OR11A1: variants seen among roughly 807,000 people sequenced by gnomAD.
OR11A1 encodes olfactory receptor 11A1.
For missense variants in OR11A1, 380 were observed against 378.2 expected, an observed-to-expected ratio of 1.00 and a Z score of -0.04; for synonymous variants, 158 against 152.2, an observed-to-expected ratio of 1.04 and a Z score of -0.28.
chr6:29,439,600 A>G (rs1248427406), intron 1 of OR11A1: 2 of 177,042 alleles, frequency 1.1e-5, no homozygotes, highest in Admixed American at 1.2e-4. Flanking sequence ...AGACAAGTTG[A>G]TGGAGAAAAA....
chr6:29,427,444 C>A lies in OR11A1; in HGVS notation c.198G>T (p.Ala66=), dbSNP rs755635499. The change falls in exon 5 of 5, where the codon GCG becomes GCT. Residue 66 remains alanine, a synonymous_variant. Coordinates refer to ENST00000377149, the MANE Select transcript of OR11A1 (RefSeq NM_001394828.1). ...RLHKPMYIFL[A]NLSFLDILYT... is the part of the protein sequence containing the mutation. The stretch of plus-strand genomic sequence containing the variant: ...AGAGAATATCCAGGAAGGACAGATT[C>A]GCCAAGAAAATATACATGGGTTTGT... 3.1e-6 allele frequency: 5 copies of A among 1,612,926 alleles called. No individual in the cohort carries two copies. Among genetic ancestry groups the A allele is most frequent in the South Asian group, 2.2e-5 (2 of 91,078 alleles).
In OR11A1 at chr6:29,453,670, G is replaced by A. The variant is rs116102526; in HGVS notation, c.-389+3317C>T. 8.3e-3 allele frequency among the ~76,000 whole-genome samples: 1,266 copies of A among 152,280 alleles called. 19 individuals are homozygous for A. The highest frequency in any genetic ancestry group is 0.027 in the African/African-American group (1,138 of 41,564). ...CAGTGAACCTATCAGAAATGTAATG[G>A]GAAGATGCTGGGAATTAGATAGCTA... is the stretch of plus-strand genomic sequence containing the variant. On this transcript the variant is annotated intron_variant, in intron 1 of 4. Transcript: ENST00000377149. The surrounding 1 kb of genome is among the most constrained non-coding windows in gnomAD (Gnocchi z 4.5).
At chr6:29,454,044 A>G (rs1022668207) in intron 1 of OR11A1, among the ~76,000 whole-genome samples, 7 of 152,180 alleles carry the variant, frequency 4.6e-5, no homozygotes, top group African/African-American at 1.2e-4. Context: ...TCCACAGATT[A>G]TGTCCAATAA....
chr6:29,426,559 T>A lies in OR11A1; in HGVS notation c.*135A>T. 1 of 655,360 alleles carries A rather than the reference T, an allele frequency of 1.5e-6. No homozygotes were observed. Among genetic ancestry groups the A allele is most frequent in the Non-Finnish European group, 2.5e-6 (1 of 397,068 alleles). The allele number at this position is 655,360 out of a possible 1,614,324, so 40.6% of individuals were successfully genotyped here. On this transcript the variant is annotated 3_prime_UTR_variant, in exon 5 of 5. Transcript: ENST00000377149. ...GTTAAAAAATTGTTGCCCTATCATT[T>A]TCATTTTTAGTATAACTGCAGAAGA...
chr6:29,432,053 C>G (rs1783265064), intron 1 of OR11A1, 66 bp from the exon 2 acceptor site: 1 of 948,212 alleles, frequency 1.1e-6, no homozygotes, highest in Non-Finnish European at 1.3e-6. Context: ...GAGCCATTTT[C>G]TCTTCCACCC....
chr6:29,453,652 C>A lies in OR11A1; in HGVS notation c.-389+3335G>T, dbSNP rs1246899697. Reference sequence around the variant, plus strand: ...CAGTTTTAATGAGGCGAACAGTGAACCTATCAGAAATGTAATGGGAAGATG... The same window carrying A: ...CAGTTTTAATGAGGCGAACAGTGAAACTATCAGAAATGTAATGGGAAGATG... On this transcript the variant is annotated intron_variant, in intron 1 of 4. Transcript: ENST00000377149. The surrounding 1 kb of genome is among the most constrained non-coding windows in gnomAD (Gnocchi z 4.5). Among the ~76,000 whole-genome samples the A allele has an allele frequency of 6.6e-6, 1 of 152,068 alleles. No individual in the cohort carries two copies. Among genetic ancestry groups the A allele is most frequent in the Non-Finnish European group, 1.5e-5 (1 of 67,988 alleles).
chr6:29,445,555 C>T (rs1240219717), intron 1 of OR11A1, among the ~76,000 whole-genome samples: 1 of 152,202 alleles, frequency 6.6e-6, no homozygotes, highest in Non-Finnish European at 1.5e-5. Flanking sequence ...ACCTCCCAAC[C>T]AGAGCTCACT....
chr6:29,454,905 G>A (rs911023385), intron 1 of OR11A1, among the ~76,000 whole-genome samples: 3 of 151,484 alleles, frequency 2.0e-5, no homozygotes, highest in Non-Finnish European at 2.9e-5. Flanking sequence ...TTTTTTTATC[G>A]CTTCTCGGCC....
In OR11A1 at chr6:29,426,747, G is replaced by T. The variant is rs1427495124; in HGVS notation, c.895C>A (p.His299Asn). 1.2e-6 allele frequency: 2 copies of T among 1,612,908 alleles called. No individual in the cohort carries two copies. The highest frequency in any genetic ancestry group is 2.7e-5 in the African/African-American group (2 of 75,018). Residue 299 changes from histidine (H) to asparagine (N), a missense_variant, in exon 5 of 5, where the codon CAT becomes AAT. His to Asn is a moderately conservative substitution (Grantham distance 68). Coordinates refer to ENST00000377149, the MANE Select transcript of OR11A1 (RefSeq NM_001394828.1). ...VIYTMRNKEV[H>N]QALRKILCIK... ...CAGAGAATCTTCCGAAGTGCCTGATGCACCTCCTTGTTCCTCATGGTATAG... is the reference window on the plus strand; with the variant it reads ...CAGAGAATCTTCCGAAGTGCCTGATTCACCTCCTTGTTCCTCATGGTATAG...
Position 29,427,142 on chromosome 6 carries a change from A to G in OR11A1, c.500T>C (p.Leu167Pro). The change falls in exon 5 of 5, where the codon CTG becomes CCG. Residue 167 changes from leucine to proline, a missense_variant. Leu to Pro is a moderately conservative substitution (Grantham distance 98). Transcript: ENST00000377149. Reference protein sequence around the residue: ...DGLVVALVAQLRFCGPNHIDQ... With the variant: ...DGLVVALVAQPRFCGPNHIDQ... ...AATGTGGTTGGGGCCACAGAACCTC[A>G]GCTGGGCCACCAGGGCCACAACCAG... The G allele has an allele frequency of 1.2e-6, 2 of 1,613,112 alleles. No individual in the cohort carries two copies. The highest frequency in any genetic ancestry group is 1.7e-6 in the Non-Finnish European group (2 of 1,180,038).
At chr6:29,440,396 A>C (rs1561794137) in intron 1 of OR11A1, 2 of 1,613,376 alleles carry the variant, frequency 1.2e-6, no homozygotes, top group East Asian at 2.2e-5. Context: ...CCATCTGTGA[A>C]CCCCTCCGCT....
In OR11A1 at chr6:29,426,897, C is replaced by T. The variant is rs758494934; in HGVS notation, c.745G>A (p.Val249Met). The change falls in exon 5 of 5, where the codon GTG becomes ATG. Residue 249 changes from valine to methionine, a missense_variant. Coordinates refer to ENST00000377149, the MANE Select transcript of OR11A1 (RefSeq NM_001394828.1). Reference sequence around the variant, plus strand: ...ATGAGCGTTCCATAGAATGTGGTCACTACAGCTAGGTGGGAGGAGCATGTG... The same window carrying T: ...ATGAGCGTTCCATAGAATGTGGTCATTACAGCTAGGTGGGAGGAGCATGTG... ...FSTCSSHLAVVTTFYGTLMIF... is the reference protein window; with the variant it reads ...FSTCSSHLAVMTTFYGTLMIF... 6.2e-7 allele frequency: 1 copy of T among 1,613,016 alleles called. No homozygotes were observed. Among genetic ancestry groups the T allele is most frequent in the South Asian group, 1.1e-5 (1 of 91,070 alleles).
Position 29,453,607 on chromosome 6 carries a change from G to T in OR11A1, c.-389+3380C>A, listed in dbSNP as rs1345752178. Reference sequence around the variant, plus strand: ...AGTAACAAACTCAATCGTGTTTAAGGCTCAGGTATCCAGAGGTTACAGTTT... The same window carrying T: ...AGTAACAAACTCAATCGTGTTTAAGTCTCAGGTATCCAGAGGTTACAGTTT... On this transcript the variant is annotated intron_variant, in intron 1 of 4. Transcript: ENST00000377149. This position sits in a 1 kb window ranked among gnomAD's most constrained non-coding sequence, Gnocchi z 4.5. Among the ~76,000 whole-genome samples the T allele has an allele frequency of 6.6e-6, 1 of 152,158 alleles. No homozygotes were observed. The highest frequency in any genetic ancestry group is 1.9e-4 in the East Asian group (1 of 5,200).
intron 1 of OR11A1, among the ~76,000 whole-genome samples, chr6:29,441,882 AGTTCCATCCAT>A (rs1484312511): frequency 6.6e-6 from 1 of 152,168 alleles, no homozygotes; most frequent in African/African-American, 2.4e-5. Context: ...AATGACCTCC[AGTTCCATCCAT>A]GTTGCTGCAA....
At chr6:29,455,625 A>G (rs999952058) in intron 1 of OR11A1, among the ~76,000 whole-genome samples, 2 of 152,118 alleles carry the variant, frequency 1.3e-5, no homozygotes, top group Non-Finnish European at 2.9e-5. Context: ...GTATATCAAA[A>G]CATCATTTGG....
intron 1 of OR11A1, among the ~76,000 whole-genome samples, chr6:29,447,575 T>G (rs1370307984): frequency 6.6e-6 from 1 of 152,236 alleles, no homozygotes; most frequent in Non-Finnish European, 1.5e-5. Flanking sequence ...GGAAATGAAC[T>G]GAAGGAGGAC....
Position 29,426,606 on chromosome 6 carries a change from A to T in OR11A1, c.*88T>A, listed in dbSNP as rs1169779294. The T allele has an allele frequency of 2.1e-6, 2 of 960,888 alleles. No individual in the cohort carries two copies. Among genetic ancestry groups the T allele is most frequent in the Non-Finnish European group, 3.1e-6 (2 of 650,232 alleles). The allele number at this position is 960,888 out of a possible 1,614,324, so 59.5% of individuals were successfully genotyped here. ...AAGAGTTCAAAGAGAATGGTCGAAT[A>T]AGACAAAGTTACTCCTCTCCAACCC... On this transcript the variant is annotated 3_prime_UTR_variant, in exon 5 of 5. Transcript: ENST00000377149.
At chr6:29,433,712 G>A (rs965450719) in intron 1 of OR11A1, among the ~76,000 whole-genome samples, 24 of 151,674 alleles carry the variant, frequency 1.6e-4, no homozygotes, top group African/African-American at 4.6e-4. Flanking sequence ...GTCATACAAC[G>A]GTTCTATTTT....
Position 29,440,163 on chromosome 6 carries a change from A to G in OR11A1, c.-388-8176T>C, listed in dbSNP as rs763609392. ...TTTCCTCATTGTGGTGCTGGTCTCCACTGATGCTGCCCTCCAGTCCCCTAT... is the reference window on the plus strand; with the variant it reads ...TTTCCTCATTGTGGTGCTGGTCTCCGCTGATGCTGCCCTCCAGTCCCCTAT... On this transcript the variant is annotated intron_variant, in intron 1 of 4. Transcript: ENST00000377149. The G allele has an allele frequency of 1.7e-5, 27 of 1,613,416 alleles. No individual in the cohort carries two copies. The Admixed American group carries it at 2.7e-4, about 16-fold the overall frequency.
Sources: gnomAD v4.1 joint callset for allele counts (sites outside exome capture counted in the v4.1 genomes callset) on GRCh38, gnomAD v4.1.1 for gene constraint, Gnocchi (gnomAD v3.1) non-coding constraint, MANE v1.5 for transcripts, NCBI Gene and HGNC (gene_info 2026-07-23, HGNC 2026-07-21) for gene names.